The following ZIM3 variants were observed in gnomAD, a reference collection of about 807,000 sequenced individuals.
ZIM3 encodes zinc finger protein 657.
ZIM3 carries 11 observed loss-of-function variants against 12.9 expected under a neutral mutation model. That is an observed-to-expected ratio of 0.85 (90% CI 0.54 to 1.41). The LOEUF (loss-of-function observed/expected upper bound fraction) is 1.41. Ranked by LOEUF, ZIM3 falls within the 40% of genes most tolerant of loss-of-function variation. The pLI, the probability that ZIM3 is intolerant of heterozygous loss-of-function variation, is 0.00. For missense variants in ZIM3, 604 were observed against 557.2 expected (o/e 1.08, Z -0.85); for synonymous variants, 205 against 198.5 (o/e 1.03, Z -0.28).
chr19:57,139,693 C>T (rs2086905437), intron 2 of ZIM3, among the ~76,000 whole-genome samples: 1 of 152,190 alleles, frequency 6.6e-6, no homozygotes, highest in Non-Finnish European at 1.5e-5. Context: ...CACCACTGCA[C>T]TCCAGCCTGG....
At chr19:57,137,569 C>G (rs975370729) in intron 3 of ZIM3, among the ~76,000 whole-genome samples, 5 of 151,842 alleles carry the variant, frequency 3.3e-5, no homozygotes, top group South Asian at 2.1e-4. Flanking sequence ...AAAAATTAGC[C>G]AGGCATGGTG....
intron 3 of ZIM3, among the ~76,000 whole-genome samples, chr19:57,137,866 G>A (rs1288070321): frequency 4.9e-4 from 28 of 57,034 alleles, no homozygotes; most frequent in African/African-American, 2.1e-3. Flanking sequence ...AAGGAAGGAA[G>A]GAAAGAAGGA....
intron 2 of ZIM3, among the ~76,000 whole-genome samples, chr19:57,140,077 A>G (rs1040413128): frequency 6.6e-6 from 1 of 151,950 alleles, no homozygotes; most frequent in African/African-American, 2.4e-5. Context: ...TGAAAATCTC[A>G]CCTCTAAGAG....
intron 2 of ZIM3, among the ~76,000 whole-genome samples, chr19:57,141,388 G>A (rs1265340087): frequency 2.7e-4 from 33 of 122,086 alleles, no homozygotes; most frequent in African/African-American, 9.8e-4. Flanking sequence ...GTGGCAGAGG[G>A]AGACTGTCTC....
At position 57,135,937 on chromosome 19, in the gene ZIM3, C is replaced by T; in HGVS notation, c.400G>A (p.Val134Ile). 1 of 1,614,124 alleles carries T rather than the reference C, an allele frequency of 6.2e-7. No homozygotes were observed. Among genetic ancestry groups the T allele is most frequent in the African/African-American group, 1.3e-5 (1 of 75,040 alleles). The change falls in exon 5 of 5, where the codon GTA becomes ATA. Residue 134 changes from valine to isoleucine, a missense_variant. Val to Ile is a conservative substitution (Grantham distance 29). Transcript: ENST00000269834. ...TGTACATAGTGTTGCAAGGAAGATA[C>T]ATCATCTATGCCCAGTGGAAGTATT... ...KKILPLGIDD[V>I]SSLQHYVQNN...
chr19:57,143,304 C>A (rs1233822810), intron 1 of ZIM3, among the ~76,000 whole-genome samples: 1 of 150,110 alleles, frequency 6.7e-6, no homozygotes, highest in Non-Finnish European at 1.5e-5. Context: ...GCACTCCAGC[C>A]TGGGCGACAG....
In ZIM3 at chr19:57,137,066, G is replaced by A. The variant is rs537713791; in HGVS notation, c.143-95C>T. ...TATATAAGCGCTTGCGTATGCTTGT[G>A]TGAATATTTGTGTGTGAGTGTGAGC... On this transcript the variant is annotated intron_variant, in intron 3 of 4. Coordinates refer to ENST00000269834, the MANE Select transcript of ZIM3 (RefSeq NM_052882.1). The A allele has an allele frequency of 1.9e-4, 214 of 1,101,032 alleles. No individual in the cohort carries two copies. In the African/African-American group the frequency reaches 2.3e-3, roughly 12 times the overall value. 68.2% of individuals were successfully genotyped at this position (1,101,032 alleles called of 1,614,324 possible). A position where few individuals can be genotyped will look rare whatever the true frequency, so the allele number is the denominator to read the frequency against.
intron 2 of ZIM3, 22 bp downstream of exon 2, chr19:57,142,607 T>TA (rs1355724739): frequency 6.2e-7 from 1 of 1,613,308 alleles, no homozygotes; most frequent in South Asian, 1.1e-5. Context: ...TTATGAGATT[T>TA]AGATTTTTTT....
In ZIM3 at chr19:57,144,934, G is replaced by C. The variant is rs1415182550; in HGVS notation, c.-118C>G. On this transcript the variant is annotated 5_prime_UTR_variant, in exon 1 of 5. Coordinates refer to ENST00000269834, the MANE Select transcript of ZIM3 (RefSeq NM_052882.1). ...GTGGTCTTTTCTTCTGAAAGGGACT[G>C]AAAATGAAAAGGCGTGTATACTGAA... 1 of 152,146 alleles carries C rather than the reference G, an allele frequency of 6.6e-6. No individual in the cohort carries two copies. The highest frequency in any genetic ancestry group is 1.5e-5 in the Non-Finnish European group (1 of 68,038). 9.4% of individuals were successfully genotyped at this position (152,146 alleles called of 1,614,324 possible).
intron 2 of ZIM3, among the ~76,000 whole-genome samples, chr19:57,140,499 G>T (rs1035615066): frequency 6.7e-6 from 1 of 149,640 alleles, no homozygotes; most frequent in Non-Finnish European, 1.5e-5. Flanking sequence ...TTTTGACACA[G>T]GTTCTTGCTC....
chr19:57,137,033 T>G (rs2086890307), intron 3 of ZIM3, 62 bp from the exon 4 acceptor site: 1 of 1,497,912 alleles, frequency 6.7e-7, no homozygotes, highest in African/African-American at 1.4e-5. Flanking sequence ...TGTGCAAGTG[T>G]ATGAGTGTAT....
At position 57,134,777 on chromosome 19, in the gene ZIM3, GT is replaced by G; in HGVS notation, c.*140del. On this transcript the variant is annotated 3_prime_UTR_variant, in exon 5 of 5. Transcript: ENST00000269834. ...TTTGCTGAGTGAGTATGCCGAATGG[GT>G]TTTCAAAGGATACTGTGATAATAAG... 1 of 810,152 alleles carries G rather than the reference GT, an allele frequency of 1.2e-6. No individual in the cohort carries two copies. Among genetic ancestry groups the G allele is most frequent in the Non-Finnish European group, 1.9e-6 (1 of 518,772 alleles). The allele number at this position is 810,152 out of a possible 1,614,324, so 50.2% of individuals were successfully genotyped here. A position where few individuals can be genotyped will look rare whatever the true frequency, so the allele number is the denominator to read the frequency against.
intron 3 of ZIM3, among the ~76,000 whole-genome samples, chr19:57,137,467 C>T (rs2086891935): frequency 6.6e-6 from 1 of 151,866 alleles, no homozygotes; most frequent in African/African-American, 2.4e-5. Flanking sequence ...AATACCAGAA[C>T]TTTGGGAGGC....
chr19:57,136,051 C>T lies in ZIM3; in HGVS notation c.286G>A (p.Val96Met), dbSNP rs780540806. The change falls in exon 5 of 5, where the codon GTG becomes ATG. Residue 96 changes from valine to methionine, a missense_variant. Physicochemically the swap from Val to Met is conservative, Grantham distance 21. Transcript: ENST00000269834. ...IGGQIWKPKD[V>M]KESLAREVPS... is the part of the protein sequence containing the mutation. ...ACTTCTCTTGCGAGACTCTCTTTCA[C>T]ATCCTTTGGCTTCCAAATCTGCCCT... is the stretch of plus-strand genomic sequence containing the variant. 1 of 1,613,442 alleles carries T rather than the reference C, an allele frequency of 6.2e-7. No homozygotes were observed. The highest frequency in any genetic ancestry group is 8.5e-7 in the Non-Finnish European group (1 of 1,179,730).
chr19:57,138,563 G>T lies in ZIM3; in HGVS notation c.51C>A (p.Phe17Leu). ...RVTFEDVTVN[F>L]TQGEWQRLNP... ...TCAGCCGCTGCCACTCCCCCTGGGT[G>T]AAGTTCACAGTGACATCCTCGAAGG... The change falls in exon 3 of 5, where the codon TTC (phenylalanine) becomes TTA (leucine). Residue 17 changes from phenylalanine to leucine, a missense_variant. Transcript: ENST00000269834. 6.2e-7 allele frequency: 1 copy of T among 1,614,152 alleles called. No individual in the cohort carries two copies. Among genetic ancestry groups the T allele is most frequent in the African/African-American group, 1.3e-5 (1 of 75,048 alleles).
chr19:57,140,206 C>T (rs779063963), intron 2 of ZIM3, among the ~76,000 whole-genome samples: 1 of 151,980 alleles, frequency 6.6e-6, no homozygotes, highest in South Asian at 2.1e-4. Flanking sequence ...GACAGAGGCT[C>T]ACTCTGGTAG....
chr19:57,135,840 T>C lies in ZIM3; in HGVS notation c.497A>G (p.Gln166Arg). 1.9e-6 allele frequency: 3 copies of C among 1,614,186 alleles called. No individual in the cohort carries two copies. Among genetic ancestry groups the C allele is most frequent in the Non-Finnish European group, 2.5e-6 (3 of 1,180,024 alleles). ...GNNPSKFVGQQLKCNACRKLF... is the reference protein window; with the variant it reads ...GNNPSKFVGQRLKCNACRKLF... ...CTTTCTACAGGCATTACATTTCAGTTGTTGTCCTACAAATTTGGATGGATT... is the reference window on the plus strand; with the variant it reads ...CTTTCTACAGGCATTACATTTCAGTCGTTGTCCTACAAATTTGGATGGATT... Residue 166 changes from glutamine (Q) to arginine (R), a missense_variant, in exon 5 of 5, where the codon CAA (glutamine) becomes CGA (arginine). Gln to Arg is a conservative substitution (Grantham distance 43, BLOSUM62 1). Coordinates refer to ENST00000269834, the MANE Select transcript of ZIM3 (RefSeq NM_052882.1).
At chr19:57,136,769 C>G (rs1333182342) in intron 4 of ZIM3, 104 bp downstream of exon 4, 27 of 835,470 alleles carry the variant, frequency 3.2e-5, no homozygotes, top group Non-Finnish European at 5.3e-5. Flanking sequence ...TTTCTTCCAG[C>G]ACTCCCAGGA....
intron 1 of ZIM3, among the ~76,000 whole-genome samples, chr19:57,143,504 G>C (rs981139298): frequency 6.6e-6 from 1 of 151,978 alleles, no homozygotes; most frequent in Non-Finnish European, 1.5e-5. Flanking sequence ...GAATAACGCC[G>C]CAGTGAACAT....
Sources: allele counts gnomAD v4.1 joint callset (sites outside exome capture counted in the v4.1 genomes callset), GRCh38; gene constraint gnomAD v4.1.1; transcripts MANE v1.5; gene names NCBI Gene and HGNC (gene_info 2026-07-23, HGNC 2026-07-21).